SLC25A53: variants seen among roughly 807,000 people sequenced by gnomAD.
The protein encoded by SLC25A53 is mitochondrial carrier triple repeat protein 6.
SLC25A53 carries 5 observed loss-of-function variants against 15.0 expected under a neutral mutation model. The ratio of observed to expected loss-of-function variants is 0.33; its 90% CI spans 0.17 to 0.70. SLC25A53 has a LOEUF of 0.70. Ranked by LOEUF, SLC25A53 falls within the 30% of genes least tolerant of loss-of-function variation. SLC25A53 has a pLI of 0.67. For synonymous variants in SLC25A53, 95 were observed against 100.0 expected (o/e 0.95, Z 0.30); for missense variants, 216 against 241.6 (o/e 0.89, Z 0.70).
intron 1 of SLC25A53, among the ~76,000 whole-genome samples, chrX:104,146,989 T>C (rs1317967835): frequency 1.8e-5 from 2 of 111,738 alleles, no homozygotes; most frequent in Non-Finnish European, 3.8e-5. Context: ...GAGCCTGCAT[T>C]GCCAAGTCAA....
intron 1 of SLC25A53, chrX:104,130,797 C>T (rs1556365339): frequency 9.0e-6 from 1 of 111,686 alleles, no homozygotes; most frequent in Non-Finnish European, 1.9e-5. Context: ...CTTATGTGAT[C>T]CTCCCACTCC....
rs373559729 is a variant in SLC25A53, at chrX:104,110,595, A to G, written c.-31-5307T>C. ...CAGGAGTCAAGAACAAGCCCCACAG[A>G]AGCCTCCTAGCCACACTATACATAA... On this transcript the variant is annotated intron_variant, in intron 1 of 1. Transcript: ENST00000594199. 2.6e-4 allele frequency among the ~76,000 whole-genome samples: 29 copies of G among 112,133 alleles called. No homozygotes were observed. In the East Asian group the frequency reaches 2.8e-3, roughly 11 times the overall value.
intron 1 of SLC25A53, among the ~76,000 whole-genome samples, chrX:104,108,441 C>T (rs1258278265): frequency 9.0e-6 from 1 of 111,472 alleles, no homozygotes; most frequent in Admixed American, 9.5e-5. Flanking sequence ...AGAACGCATG[C>T]TCCTTCTGGA....
At chrX:104,133,482 A>G (rs1326062993) in intron 1 of SLC25A53, among the ~76,000 whole-genome samples, 2 of 111,034 alleles carry the variant, frequency 1.8e-5, no homozygotes, top group Non-Finnish European at 3.8e-5. Context: ...CAGGACCTAC[A>G]GCACCCACCG....
intron 1 of SLC25A53, among the ~76,000 whole-genome samples, chrX:104,151,636 T>C (rs1415945698): frequency 3.6e-5 from 4 of 111,711 alleles, no homozygotes; most frequent in African/African-American, 1.3e-4. Context: ...ACAGAAAATA[T>C]GGACTGGGAA....
At chrX:104,156,387 C>CT (rs782284641) in intron 1 of SLC25A53, among the ~76,000 whole-genome samples, 199 of 111,410 alleles carry the variant, frequency 1.8e-3, no homozygotes, top group Non-Finnish European at 3.0e-3. Context: ...AGGAAAAAGC[C>CT]TAATTCCTTT....
intron 1 of SLC25A53, among the ~76,000 whole-genome samples, chrX:104,134,349 C>A (rs994655807): frequency 9.9e-5 from 11 of 111,417 alleles, no homozygotes; most frequent in African/African-American, 3.6e-4. Flanking sequence ...GGACAAGTGT[C>A]ACACGGTGGA....
rs782271335 is a variant in SLC25A53 at position 104,114,847 on chromosome X, G to A, written c.-31-9559C>T. ...AATAATGGAGAGGGCAGCCAGCCCT[G>A]TGGCATTTCAGGGCGCCCAGCCAAT... is the stretch of plus-strand genomic sequence containing the variant. On this transcript the variant is annotated intron_variant, in intron 1 of 1. Coordinates refer to ENST00000594199, the MANE Select transcript of SLC25A53 (RefSeq NM_001012755.5). 4.6e-5 allele frequency: 55 copies of A among 1,207,944 alleles called. No individual in the cohort carries two copies. Among genetic ancestry groups the A allele is most frequent in the Non-Finnish European group, 6.0e-5 (54 of 894,033 alleles).
chrX:104,145,710 AG>A (rs1424397245), intron 1 of SLC25A53, among the ~76,000 whole-genome samples: 1 of 112,644 alleles, frequency 8.9e-6, no homozygotes, highest in Admixed American at 9.4e-5. Context: ...AAAATCTAGA[AG>A]AAATGGATGA....
At chrX:104,142,698 G>A (rs973946449) in intron 1 of SLC25A53, among the ~76,000 whole-genome samples, 9 of 108,088 alleles carry the variant, frequency 8.3e-5, no homozygotes, top group East Asian at 2.9e-4. Flanking sequence ...GTGATTTCTC[G>A]AGGTCAGGAG....
chrX:104,129,592 G>A (rs2075419930), intron 1 of SLC25A53, among the ~76,000 whole-genome samples: 1 of 110,547 alleles, frequency 9.0e-6, no homozygotes, highest in Non-Finnish European at 1.9e-5. Context: ...GGAACACTGA[G>A]TGCCTGACAA....
Position 104,151,002 on chromosome X carries a change from C to T in SLC25A53, c.-32+5876G>A, listed in dbSNP as rs138590135. 7.6e-4 allele frequency among the ~76,000 whole-genome samples: 85 copies of T among 111,881 alleles called. No homozygotes were observed. In the East Asian group the frequency reaches 0.014, roughly 18 times the overall value. ...TCACTTCCCATCCCCTGAATTCTAGCTTTCAGTCAGACTTTCGATTTGGCT... is the reference window on the plus strand; with the variant it reads ...TCACTTCCCATCCCCTGAATTCTAGTTTTCAGTCAGACTTTCGATTTGGCT... On this transcript the variant is annotated intron_variant, in intron 1 of 1. Coordinates refer to ENST00000594199, the MANE Select transcript of SLC25A53 (RefSeq NM_001012755.5).
Position 104,115,251 on chromosome X carries a change from G to A in SLC25A53, c.-31-9963C>T, listed in dbSNP as rs139283385. 203 of 1,198,304 alleles carry A rather than the reference G, an allele frequency of 1.7e-4. 1 individual carries two copies. The East Asian group carries it at 5.1e-3, about 30-fold the overall frequency. ...TTGAGAATCTGATCATCACCCTGCA[G>A]GAGCTGACACATACAGAGGAGAGGT... On this transcript the variant is annotated intron_variant, in intron 1 of 1. Coordinates refer to ENST00000594199, the MANE Select transcript of SLC25A53 (RefSeq NM_001012755.5).
At chrX:104,111,183 G>A (rs1302463282) in intron 1 of SLC25A53, among the ~76,000 whole-genome samples, 1 of 112,306 alleles carries the variant, frequency 8.9e-6, no homozygotes, top group African/African-American at 3.2e-5. Flanking sequence ...ATCAACTACA[G>A]GGCTGGTTAA....
intron 1 of SLC25A53, among the ~76,000 whole-genome samples, chrX:104,108,570 G>C (rs1398339356): frequency 1.8e-4 from 20 of 111,318 alleles, no homozygotes; most frequent in Middle Eastern, 4.6e-3. Context: ...AGCAATCTAG[G>C]AGAGCCTGGC....
At chrX:104,113,690 C>G (rs781866339) in intron 1 of SLC25A53, 1 of 131,512 alleles carries the variant, frequency 7.6e-6, no homozygotes, top group East Asian at 2.1e-4. Context: ...CCATTGAGTT[C>G]CGTTTTGAGG....
chrX:104,142,852 C>T (rs1342965746), intron 1 of SLC25A53, among the ~76,000 whole-genome samples: 5 of 102,120 alleles, frequency 4.9e-5, no homozygotes, highest in South Asian at 9.5e-4. Flanking sequence ...ACCTGGGAGG[C>T]GGAACTTACG....
At chrX:104,142,886 A>T (rs1432445293) in intron 1 of SLC25A53, among the ~76,000 whole-genome samples, 1 of 97,965 alleles carries the variant, frequency 1.0e-5, no homozygotes, top group East Asian at 3.2e-4. Flanking sequence ...GCACCACTGC[A>T]CTCCAGCCTG....
At chrX:104,111,866 C>G (rs1323965227) in intron 1 of SLC25A53, among the ~76,000 whole-genome samples, 1 of 112,178 alleles carries the variant, frequency 8.9e-6, no homozygotes, top group Non-Finnish European at 1.9e-5. Flanking sequence ...ATGGTTCTTG[C>G]TCACCAATTC....
Sources: allele counts gnomAD v4.1 joint callset (sites outside exome capture counted in the v4.1 genomes callset), GRCh38; gene constraint gnomAD v4.1.1; transcripts MANE v1.5; gene names NCBI Gene and HGNC (gene_info 2026-07-23, HGNC 2026-07-21).